Variants in ROCK1 observed in about 807,000 individuals in gnomAD.
The protein encoded by ROCK1 is Rho associated coiled-coil containing protein kinase 1.
Under a neutral mutation model 196.8 loss-of-function variants are expected in ROCK1, and 36 were observed. The observed-to-expected ratio is 0.18, with a 90% confidence interval of 0.14 to 0.24. The LOEUF is 0.24. Among genes scored for constraint, ROCK1 ranks in the 10% least tolerant of loss-of-function variants. The probability of loss-of-function intolerance (pLI) is 1.00; values close to 1 mark genes in which losing one functional copy is unlikely to be tolerated. For missense variants in ROCK1, 920 were observed against 1,562.0 expected (o/e 0.59, Z 6.93); for synonymous variants, 443 against 515.9 (o/e 0.86, Z 1.91).
chr18:20,992,860 C>T lies in ROCK1; in HGVS notation c.1963G>A (p.Ala655Thr). ...TCTGAGTGATTAAGCATGTCTTGAG[C>T]CTCTTTTCTTTCTCCTTCCACTTTT... ...LEKVEGERKEAQDMLNHSEKE... is the reference protein window; with the variant it reads ...LEKVEGERKETQDMLNHSEKE... The change falls in exon 17 of 33, where the codon GCT becomes ACT. Residue 655 changes from alanine to threonine, a missense_variant. Around this residue, in one of 6 missense-constraint regions of ROCK1, gnomAD observed 520 missense variants for 657.1 expected, o/e 0.79. Transcript: ENST00000399799. 6.2e-7 allele frequency: 1 copy of T among 1,608,486 alleles called. No individual in the cohort carries two copies. Among genetic ancestry groups the T allele is most frequent in the Non-Finnish European group, 8.5e-7 (1 of 1,175,466 alleles).
chr18:20,957,601 C>A (rs1446999757), intron 29 of ROCK1, among the ~76,000 whole-genome samples: 1 of 152,118 alleles, frequency 6.6e-6, no homozygotes, highest in East Asian at 1.9e-4. Flanking sequence ...CTGCCTCAGC[C>A]TCCCGAGTAG....
chr18:20,970,031 G>A lies in ROCK1; in HGVS notation c.2820+317C>T, dbSNP rs573059699. Reference sequence around the variant, plus strand: ...CATAAAATCAGTTGCAATGTATTAAGAGAACAACAAATGAATTTAAGCTAA... The same window carrying A: ...CATAAAATCAGTTGCAATGTATTAAAAGAACAACAAATGAATTTAAGCTAA... On this transcript the variant is annotated intron_variant, in intron 23 of 32. Coordinates refer to ENST00000399799, the MANE Select transcript of ROCK1 (RefSeq NM_005406.3). 6.5e-5 allele frequency: 12 copies of A among 183,994 alleles called. No homozygotes were observed. In the South Asian group the frequency reaches 1.4e-3, roughly 21 times the overall value. The allele number at this position is 183,994 out of a possible 1,614,324, so 11.4% of individuals were successfully genotyped here.
chr18:21,039,876 C>T (rs1185074445), intron 8 of ROCK1, among the ~76,000 whole-genome samples: 4 of 152,106 alleles, frequency 2.6e-5, no homozygotes, highest in South Asian at 2.1e-4. Flanking sequence ...CCAGCCAACA[C>T]TGTGAAACCC....
intron 12 of ROCK1, among the ~76,000 whole-genome samples, chr18:21,018,745 A>T (rs1231259416): frequency 6.6e-6 from 1 of 152,150 alleles, no homozygotes; most frequent in East Asian, 1.9e-4. Context: ...TAAAAGTGAG[A>T]ATTTTATCTG....
chr18:21,022,858 A>ATGTG (rs573929547), intron 11 of ROCK1, among the ~76,000 whole-genome samples: 1 of 151,550 alleles, frequency 6.6e-6, no homozygotes, highest in Non-Finnish European at 1.5e-5. Context: ...GTGTGTATAT[A>ATGTG]TGTGTGTGTG....
chr18:20,958,400 T>C (rs2035267604), intron 29 of ROCK1, among the ~76,000 whole-genome samples: 1 of 152,164 alleles, frequency 6.6e-6, no homozygotes, highest in Non-Finnish European at 1.5e-5. Context: ...TTGTTGAATA[T>C]GTTTTGCCTT....
At chr18:21,031,148 G>A (rs1373668626) in intron 9 of ROCK1, among the ~76,000 whole-genome samples, 2 of 152,172 alleles carry the variant, frequency 1.3e-5, no homozygotes, top group African/African-American at 2.4e-5. Flanking sequence ...AGCCCTGGGG[G>A]AAAGAGGAAG....
chr18:20,958,125 A>C (rs566009858), intron 29 of ROCK1, among the ~76,000 whole-genome samples: 1 of 152,370 alleles, frequency 6.6e-6, no homozygotes, highest in African/African-American at 2.4e-5. Flanking sequence ...AAAAGTATTT[A>C]ACTTAGTTGA....
At chr18:21,086,933 G>A (rs1156903313) in intron 1 of ROCK1, among the ~76,000 whole-genome samples, 1 of 152,018 alleles carries the variant, frequency 6.6e-6, no homozygotes, top group Non-Finnish European at 1.5e-5. Flanking sequence ...AAAAATATGG[G>A]AAAAGATAAT....
At chr18:21,091,878 A>G (rs962334996) in intron 1 of ROCK1, among the ~76,000 whole-genome samples, 1 of 151,274 alleles carries the variant, frequency 6.6e-6, no homozygotes, top group Admixed American at 6.6e-5. Flanking sequence ...ACTGAAGCCC[A>G]AGGATCAGTT....
chr18:20,968,142 C>A (rs2035391483), intron 25 of ROCK1, among the ~76,000 whole-genome samples: 1 of 152,110 alleles, frequency 6.6e-6, no homozygotes, highest in Non-Finnish European at 1.5e-5. Context: ...GAACCAGGAG[C>A]CTTTCTTTGG....
chr18:21,057,344 T>TA (rs2143529477), intron 2 of ROCK1, among the ~76,000 whole-genome samples: 1 of 152,320 alleles, frequency 6.6e-6, no homozygotes, highest in East Asian at 1.9e-4. Context: ...ACTAACTAGC[T>TA]AATCATTAGA....
intron 16 of ROCK1, among the ~76,000 whole-genome samples, 200 bp downstream of exon 16, chr18:21,006,151 G>A (rs762232699): frequency 6.6e-6 from 1 of 152,106 alleles, no homozygotes; most frequent in Non-Finnish European, 1.5e-5. Context: ...ACACAACATG[G>A]ATAAACCTTG....
chr18:21,048,618 C>T (rs116322804), intron 4 of ROCK1, among the ~76,000 whole-genome samples: 3,411 of 152,104 alleles, frequency 0.022, 137 homozygotes, highest in African/African-American at 0.078. Context: ...GATGTGAACA[C>T]GGCTCACTAT....
At chr18:21,088,153 G>C (rs1187420043) in intron 1 of ROCK1, among the ~76,000 whole-genome samples, 1 of 152,198 alleles carries the variant, frequency 6.6e-6, no homozygotes, top group Admixed American at 6.5e-5. Flanking sequence ...GTGGAATACA[G>C]CTAAATCACT....
At chr18:20,993,756 T>TAA (rs2035646732) in intron 16 of ROCK1, among the ~76,000 whole-genome samples, 1 of 152,220 alleles carries the variant, frequency 6.6e-6, no homozygotes, top group Non-Finnish European at 1.5e-5. Context: ...GTCTACTCAT[T>TAA]AAAACATGCT....
intron 8 of ROCK1, among the ~76,000 whole-genome samples, chr18:21,041,596 AAGAT>A (rs2036107479): frequency 6.6e-6 from 1 of 152,082 alleles, no homozygotes; most frequent in South Asian, 2.1e-4. Context: ...TAGAAGAAAA[AAGAT>A]AGTATACTTT....
At chr18:20,962,631 A>G (rs2035337719) in intron 27 of ROCK1, among the ~76,000 whole-genome samples, 1 of 152,152 alleles carries the variant, frequency 6.6e-6, no homozygotes, top group Non-Finnish European at 1.5e-5. Context: ...AATTTTATAT[A>G]TCAAGGGAAT....
intron 1 of ROCK1, among the ~76,000 whole-genome samples, chr18:21,091,698 G>C (rs2036571321): frequency 6.6e-6 from 1 of 152,060 alleles, no homozygotes; most frequent in Non-Finnish European, 1.5e-5. Context: ...GGGCTGGGCA[G>C]AGTGGCTCAC....
Sources: gnomAD v4.1 joint callset for allele counts (sites outside exome capture counted in the v4.1 genomes callset) on GRCh38, gnomAD v4.1.1 for gene constraint, gnomAD v4.1.1 regional missense constraint, MANE v1.5 for transcripts, NCBI Gene and HGNC (gene_info 2026-07-23, HGNC 2026-07-21) for gene names.